TF: variants seen among roughly 807,000 people sequenced by gnomAD.
TF encodes the protein transferrin, also known as serotransferrin.
TF carries 55 observed loss-of-function variants against 82.4 expected under a neutral mutation model. The observed-to-expected ratio is 0.67, with a 90% CI of 0.54 to 0.84. The LOEUF is 0.84. Among genes scored for constraint, TF ranks in the 40% least tolerant of loss-of-function variants. The probability of loss-of-function intolerance (pLI) is 0.00; values close to 1 mark genes in which losing one functional copy is unlikely to be tolerated. For missense variants in TF, 737 were observed against 868.4 expected (o/e 0.85, Z 1.90); for synonymous variants, 332 against 332.6 (o/e 1.00, Z 0.02).
At chr3:133,670,898 T>A in the TF span, among the ~76,000 whole-genome samples, 1 of 152,220 alleles carries the variant, frequency 6.6e-6, no homozygotes, top group Non-Finnish European at 1.5e-5. Flanking sequence ...GGGTCACTGC[T>A]GGCTTACAGA....
rs1441565793 is a variant in TF at position 133,782,889 on chromosome 3, G to A, written c.*4269G>A. On this transcript the variant is annotated 3_prime_UTR_variant, in exon 17 of 17. Coordinates refer to ENST00000402696, the MANE Select transcript of TF (RefSeq NM_001063.4). ...CACACACACAAAAAAAATTAGCGAG[G>A]AGTGCTGGTGCCCACCTGTAGTCCC... 1 of 152,034 alleles carries A rather than the reference G, an allele frequency of 6.6e-6. No individual in the cohort carries two copies. The highest frequency in any genetic ancestry group is 2.4e-5 in the African/African-American group (1 of 41,360). The allele number at this position is 152,034 out of a possible 1,614,324, so 9.4% of individuals were successfully genotyped here. A position where few individuals can be genotyped will look rare whatever the true frequency, so the allele number is the denominator to read the frequency against.
chr3:133,755,344 A>C lies in TF; in HGVS notation c.503-19A>C, dbSNP rs955546201. 4 of 1,613,862 alleles carry C rather than the reference A, an allele frequency of 2.5e-6. No individual in the cohort carries two copies. Among genetic ancestry groups the C allele is most frequent in the African/African-American group, 2.7e-5 (2 of 74,852 alleles). On this transcript the variant is annotated intron_variant, in intron 4 of 16. Coordinates refer to ENST00000402696, the MANE Select transcript of TF (RefSeq NM_001063.4). ...CAGCCTCACTCATGCTCTGTTGTCCATTTCTCTGTGCTGAGCAGCAGTGGC... is the reference window on the plus strand; with the variant it reads ...CAGCCTCACTCATGCTCTGTTGTCCCTTTCTCTGTGCTGAGCAGCAGTGGC...
At chr3:133,715,365 A>T in the TF span, among the ~76,000 whole-genome samples, 1 of 152,106 alleles carries the variant, frequency 6.6e-6, no homozygotes, top group Non-Finnish European at 1.5e-5. Flanking sequence ...GGCCCTAGTC[A>T]CTGCCTTCCC....
rs1004760791 is a variant in TF at position 133,768,238 on chromosome 3, A to G, written c.1622+74A>G. 1.1e-5 allele frequency: 17 copies of G among 1,576,320 alleles called. No homozygotes were observed. The African/African-American group carries it at 2.0e-4, about 19-fold the overall frequency. The stretch of plus-strand genomic sequence containing the variant: ...CAGATTTCTTTTAGGAACTAAGGTA[A>G]GATTCTTAGGTTCCTATTCCATTAG... On this transcript the variant is annotated intron_variant, in intron 13 of 16. Transcript: ENST00000402696.
chr3:133,754,699 C>T (rs767058167), intron 4 of TF, 28 bp downstream of exon 4: 11 of 1,612,940 alleles, frequency 6.8e-6, no homozygotes, highest in South Asian at 3.3e-5. Context: ...TGGGTGCCCT[C>T]GAGCAGCTGC....
chr3:133,728,719 G>GGAGA, the TF span, among the ~76,000 whole-genome samples: 1 of 152,196 alleles, frequency 6.6e-6, no homozygotes, highest in Non-Finnish European at 1.5e-5. Flanking sequence ...CTTTGGAGGA[G>GGAGA]GAGAGGCACT....
chr3:133,775,380 G>C (rs1018904892), intron 14 of TF, 53 bp from the exon 15 acceptor site: 10 of 1,597,522 alleles, frequency 6.3e-6, no homozygotes, highest in Admixed American at 1.7e-5. Flanking sequence ...CATCTCCCCA[G>C]CGGGGCACCT....
the TF span, among the ~76,000 whole-genome samples, chr3:133,686,415 TA>T: frequency 6.6e-6 from 1 of 152,190 alleles, no homozygotes; most frequent in Non-Finnish European, 1.5e-5. Flanking sequence ...ACAGGCAGCC[TA>T]CAGAATGGGA....
chr3:133,704,988 T>C, the TF span, among the ~76,000 whole-genome samples: 1 of 152,172 alleles, frequency 6.6e-6, no homozygotes, highest in East Asian at 1.9e-4. Context: ...AAAAGATAAG[T>C]GATGGGTCGG....
chr3:133,732,684 G>T, the TF span, among the ~76,000 whole-genome samples: 1 of 152,148 alleles, frequency 6.6e-6, no homozygotes, highest in Admixed American at 6.5e-5. Context: ...ACACCAGAAG[G>T]AAAAAACTCC....
At chr3:133,768,398 G>T (rs1463991103) in intron 13 of TF, among the ~76,000 whole-genome samples, 1 of 152,188 alleles carries the variant, frequency 6.6e-6, no homozygotes, top group Non-Finnish European at 1.5e-5. Context: ...TTTAGCAGTT[G>T]TCAACGGGTG....
chr3:133,687,077 G>T, the TF span, among the ~76,000 whole-genome samples: 2 of 152,096 alleles, frequency 1.3e-5, no homozygotes, highest in Admixed American at 6.6e-5. Context: ...CCATCATTCT[G>T]AGCAAACTAT....
intron 11 of TF, 91 bp downstream of exon 11, chr3:133,764,998 G>C: frequency 7.5e-7 from 1 of 1,334,992 alleles, no homozygotes; most frequent in Non-Finnish European, 1.1e-6. Context: ...TATATAAGGT[G>C]CTGTAAGAGA....
rs773139494 is a variant in TF, at chr3:133,775,570, C to A, written c.1825C>A (p.Arg609=). 2.1e-5 allele frequency: 34 copies of A among 1,614,156 alleles called. No individual in the cohort carries two copies. In the East Asian group the frequency reaches 7.1e-4, roughly 34 times the overall value. The change falls in exon 15 of 17, where the codon CGG becomes AGG. Residue 609 remains arginine, a synonymous_variant. Coordinates refer to ENST00000402696, the MANE Select transcript of TF (RefSeq NM_001063.4). ...ARAPNHAVVT[R]KDKEACVHKI... is the part of the protein sequence containing the mutation. ...AGCCCCGAATCACGCTGTGGTCACACGGAAAGATAAGGAAGCTTGCGTCCA... is the reference window on the plus strand; with the variant it reads ...AGCCCCGAATCACGCTGTGGTCACAAGGAAAGATAAGGAAGCTTGCGTCCA...
intron 16 of TF, 143 bp from the exon 17 acceptor site, chr3:133,778,443 A>G (rs972606828): frequency 1.3e-6 from 1 of 792,062 alleles, no homozygotes; most frequent in Admixed American, 2.1e-5. Context: ...AGAAAAGAGC[A>G]CTGGGAGAAC....
At chr3:133,676,364 G>A in the TF span, among the ~76,000 whole-genome samples, 5 of 152,144 alleles carry the variant, frequency 3.3e-5, no homozygotes, top group African/African-American at 1.2e-4. Flanking sequence ...TAAATGCAAG[G>A]GGCCCCTTCC....
At chr3:133,750,506 C>T (rs1933630524) in intron 2 of TF, among the ~76,000 whole-genome samples, 1 of 152,164 alleles carries the variant, frequency 6.6e-6, no homozygotes, top group South Asian at 2.1e-4. Flanking sequence ...AGCCTTCTCT[C>T]TGTAGCTTTC....
the TF span, among the ~76,000 whole-genome samples, chr3:133,679,126 C>A: frequency 6.6e-6 from 1 of 152,136 alleles, no homozygotes; most frequent in Non-Finnish European, 1.5e-5. Flanking sequence ...CCGCCTCAGC[C>A]TCCCAAAGTG....
the TF span, chr3:133,709,414 G>A: frequency 6.5e-6 from 1 of 152,808 alleles, no homozygotes; most frequent in South Asian, 2.1e-4. Context: ...CCCGGTGCAG[G>A]AGGGCTGGCC....
Sources: gnomAD v4.1 joint callset for allele counts (sites outside exome capture counted in the v4.1 genomes callset) on GRCh38, gnomAD v4.1.1 for gene constraint, MANE v1.5 for transcripts, NCBI Gene and HGNC (gene_info 2026-07-23, HGNC 2026-07-21) for gene names.